The following SS18L1 variants were observed in gnomAD, a reference collection of about 807,000 sequenced individuals.
SS18L1 encodes the protein SS18L1 subunit of BAF chromatin remodeling complex.
In SS18L1, 32 loss-of-function variants were observed where a neutral mutation model predicts 70.3. The ratio of observed to expected loss-of-function variants is 0.46; its 90% CI spans 0.34 to 0.61. The LOEUF (loss-of-function observed/expected upper bound fraction) is 0.61, where lower values mean the gene tolerates loss of function less well. SS18L1 is among the 20% of genes least tolerant of loss of function. The pLI is 0.01. For missense variants in SS18L1, 430 were observed against 542.1 expected (o/e 0.79, Z 2.05); for synonymous variants, 237 against 229.7 (o/e 1.03, Z -0.29).
chr20:62,152,620 A>T (rs1240245124), intron 1 of SS18L1, among the ~76,000 whole-genome samples: 1 of 152,114 alleles, frequency 6.6e-6, no homozygotes, highest in Non-Finnish European at 1.5e-5. Context: ...GTAAATACAG[A>T]AGATCTAGAA....
At chr20:62,173,381 C>T (rs1016813339) in intron 9 of SS18L1, among the ~76,000 whole-genome samples, 2 of 152,260 alleles carry the variant, frequency 1.3e-5, no homozygotes, top group African/African-American at 4.8e-5. Context: ...TGTGCTTATT[C>T]AGCCCTTTAC....
intron 10 of SS18L1, among the ~76,000 whole-genome samples, chr20:62,175,623 G>C (rs1310332282): frequency 6.6e-6 from 1 of 152,218 alleles, no homozygotes; most frequent in Admixed American, 6.5e-5. Context: ...TGGTGACTCT[G>C]AGGTGGCTGG....
intron 9 of SS18L1, among the ~76,000 whole-genome samples, chr20:62,173,687 G>A (rs1443977793): frequency 6.6e-6 from 1 of 151,788 alleles, no homozygotes; most frequent in Non-Finnish European, 1.5e-5. Flanking sequence ...CAGCCTAGGC[G>A]ATAGAGTGAG....
At chr20:62,165,700 TG>T (rs1201633249) in intron 8 of SS18L1, among the ~76,000 whole-genome samples, 186 bp downstream of exon 8, 2 of 152,208 alleles carry the variant, frequency 1.3e-5, no homozygotes, top group African/African-American at 4.8e-5. Context: ...GAGCCCCGCT[TG>T]CCTTATGGGT....
In SS18L1 at chr20:62,161,137, A is replaced by C. The variant is rs906043131; in HGVS notation, c.232-299A>C. ...GTGCGTTCAGCCTGGTGGGCCGGGAAAGGGGTTCCCTGCTGTCCCAGGAGG... is the reference window on the plus strand; with the variant it reads ...GTGCGTTCAGCCTGGTGGGCCGGGACAGGGGTTCCCTGCTGTCCCAGGAGG... On this transcript the variant is annotated intron_variant, in intron 3 of 10. Transcript: ENST00000331758. This position sits in a 1 kb window ranked among gnomAD's most constrained non-coding sequence, Gnocchi z 4.4. Among the ~76,000 whole-genome samples, 1 of 151,376 alleles carries C rather than the reference A, an allele frequency of 6.6e-6. No homozygotes were observed. Among genetic ancestry groups the C allele is most frequent in the Admixed American group, 6.6e-5 (1 of 15,162 alleles).
rs559030188 is a variant in SS18L1, at chr20:62,159,025, G to A, written c.146+277G>A. On this transcript the variant is annotated intron_variant, in intron 2 of 10. Transcript: ENST00000331758. This position sits in a 1 kb window ranked among gnomAD's most constrained non-coding sequence, Gnocchi z 4.4. The stretch of plus-strand genomic sequence containing the variant: ...CCAGCACGGAGGCCAGATATGTCCC[G>A]AGAGTCCCCCAGCACGGAGGCCAGA... 3.1e-5 allele frequency: 43 copies of A among 1,383,040 alleles called. No individual in the cohort carries two copies. The highest frequency in any genetic ancestry group is 2.9e-5 in the African/African-American group (2 of 69,022). The allele number at this position is 1,383,040 out of a possible 1,614,324, so 85.7% of individuals were successfully genotyped here. A position where few individuals can be genotyped will look rare whatever the true frequency, so the allele number is the denominator to read the frequency against.
At chr20:62,177,699 C>G (rs1170742427) in intron 10 of SS18L1, among the ~76,000 whole-genome samples, 1 of 152,114 alleles carries the variant, frequency 6.6e-6, no homozygotes, top group Non-Finnish European at 1.5e-5. Context: ...GGCACAGGCT[C>G]TCTAGTTTCT....
At position 62,161,183 on chromosome 20, in the gene SS18L1, A is replaced by T. The variant is rs1382200327; in HGVS notation, c.232-253A>T. Among the ~76,000 whole-genome samples, 1 of 151,030 alleles carries T rather than the reference A, an allele frequency of 6.6e-6. No individual in the cohort carries two copies. The highest frequency in any genetic ancestry group is 1.5e-5 in the Non-Finnish European group (1 of 67,856). On this transcript the variant is annotated intron_variant, in intron 3 of 10. Transcript: ENST00000331758. The surrounding 1 kb of genome is among the most constrained non-coding windows in gnomAD (Gnocchi z 4.4). ...GGAGGAGGTCCAGCTTTTCACACCCAGGCACGTGTGGATGAACTTGATACT... is the reference window on the plus strand; with the variant it reads ...GGAGGAGGTCCAGCTTTTCACACCCTGGCACGTGTGGATGAACTTGATACT...
In SS18L1 at chr20:62,174,700, A is replaced by G. The variant is rs750576539; in HGVS notation, c.1164+56A>G. The G allele has an allele frequency of 4.3e-6, 7 of 1,612,180 alleles. No homozygotes were observed. In the Admixed American group the frequency reaches 1.0e-4, roughly 23 times the overall value. On this transcript the variant is annotated intron_variant, in intron 10 of 10. Coordinates refer to ENST00000331758, the MANE Select transcript of SS18L1 (RefSeq NM_198935.3). This position sits in a 1 kb window ranked among gnomAD's most constrained non-coding sequence, Gnocchi z 4.1. ...CATCCGCCGCGCCTGTCGAGACATAATGAAGATTTCTCTTATGGCCATGAG... is the reference window on the plus strand; with the variant it reads ...CATCCGCCGCGCCTGTCGAGACATAGTGAAGATTTCTCTTATGGCCATGAG...
At chr20:62,156,114 C>T (rs567059011) in intron 1 of SS18L1, among the ~76,000 whole-genome samples, 124 of 152,302 alleles carry the variant, frequency 8.1e-4, no homozygotes, top group African/African-American at 2.7e-3. Flanking sequence ...TGCACACCCG[C>T]GGGGCTCTGC....
Position 62,165,492 on chromosome 20 carries a change from C to G in SS18L1, c.894C>G (p.Ser298=). Residue 298 remains serine, a synonymous_variant, in exon 8 of 11, where the codon TCC becomes TCG. Transcript: ENST00000331758. The part of the protein sequence containing the change: ...EQSYDRSFEE[S]TQHYYEGGNS... ...GCTACGACCGGTCCTTCGAGGAGTC[C>G]ACGCAGCACTACTATGAGGGGGGTA... The G allele has an allele frequency of 6.2e-7, 1 of 1,612,630 alleles. No individual in the cohort carries two copies. The highest frequency in any genetic ancestry group is 1.1e-5 in the South Asian group (1 of 90,882).
chr20:62,162,970 C>A (rs1324168414), intron 5 of SS18L1, 39 bp downstream of exon 5: 3 of 1,600,054 alleles, frequency 1.9e-6, no homozygotes, highest in East Asian at 4.5e-5. Flanking sequence ...GGGCCTGGGC[C>A]TGCCTCCAAG....
chr20:62,161,297 C>A lies in SS18L1; in HGVS notation c.232-139C>A. 1 of 1,219,386 alleles carries A rather than the reference C, an allele frequency of 8.2e-7. No individual in the cohort carries two copies. The allele number at this position is 1,219,386 out of a possible 1,614,324, so 75.5% of individuals were successfully genotyped here. Reference sequence around the variant, plus strand: ...TGCGGTCACCTGGCTGTGACGATGGCTGCTGATTACGAACATTGACCAGGT... The same window carrying A: ...TGCGGTCACCTGGCTGTGACGATGGATGCTGATTACGAACATTGACCAGGT... On this transcript the variant is annotated intron_variant, in intron 3 of 10. Transcript: ENST00000331758. This position sits in a 1 kb window ranked among gnomAD's most constrained non-coding sequence, Gnocchi z 4.4.
intron 7 of SS18L1, 88 bp downstream of exon 7, chr20:62,164,334 C>T (rs1042800567): frequency 1.5e-5 from 19 of 1,288,042 alleles, no homozygotes; most frequent in Non-Finnish European, 2.0e-5. Context: ...AGGGTGTGGC[C>T]ACTGCAGTGT....
At chr20:62,169,378 G>GA (rs1377107799) in intron 8 of SS18L1, among the ~76,000 whole-genome samples, 1 of 152,272 alleles carries the variant, frequency 6.6e-6, no homozygotes, top group Non-Finnish European at 1.5e-5. Flanking sequence ...AGGCAGTCCA[G>GA]AGCAGGGGTG....
rs1369127831 is a variant in SS18L1 at position 62,161,738 on chromosome 20, C to G, written c.376+158C>G. 6.6e-6 allele frequency among the ~76,000 whole-genome samples: 1 copy of G among 152,246 alleles called. No homozygotes were observed. Among genetic ancestry groups the G allele is most frequent in the Non-Finnish European group, 1.5e-5 (1 of 68,034 alleles). ...CACAGGTCGGCTGCCATCGCCCAGG[C>G]TCAGGGCCGCAGCGAGCGTGCCGTG... On this transcript the variant is annotated intron_variant, in intron 4 of 10. Transcript: ENST00000331758. The surrounding 1 kb of genome is among the most constrained non-coding windows in gnomAD (Gnocchi z 4.4).
At chr20:62,147,060 G>T (rs2057043985) in intron 1 of SS18L1, among the ~76,000 whole-genome samples, 1 of 152,186 alleles carries the variant, frequency 6.6e-6, no homozygotes, top group Non-Finnish European at 1.5e-5. Flanking sequence ...AGGGGTCTGG[G>T]TACAGTTTAG....
At chr20:62,172,087 G>T (rs988015983) in intron 8 of SS18L1, among the ~76,000 whole-genome samples, 1 of 147,050 alleles carries the variant, frequency 6.8e-6, no homozygotes, top group Non-Finnish European at 1.5e-5. Context: ...GCGTGAACCC[G>T]GGTGGGGCGG....
intron 10 of SS18L1, among the ~76,000 whole-genome samples, chr20:62,176,346 G>A (rs114164628): frequency 0.016 from 2,472 of 152,004 alleles, 50 homozygotes; most frequent in African/African-American, 0.055. Context: ...AGCAAGACCT[G>A]TCTCTACAAA....
Sources: allele counts gnomAD v4.1 joint callset (sites outside exome capture counted in the v4.1 genomes callset), GRCh38; gene constraint gnomAD v4.1.1; non-coding constraint Gnocchi (gnomAD v3.1); transcripts MANE v1.5; gene names NCBI Gene and HGNC (gene_info 2026-07-23, HGNC 2026-07-21).